Variants in DAB1 observed in about 807,000 individuals in gnomAD.
The protein encoded by DAB1 is disabled homolog 1.
DAB1 carries 15 observed loss-of-function variants against 64.6 expected under a neutral mutation model. That is an observed-to-expected ratio of 0.23 (90% CI 0.16 to 0.36). The LOEUF is 0.36. Ranked by LOEUF, DAB1 falls within the 10% of genes least tolerant of loss-of-function variation. The pLI, the probability that DAB1 is intolerant of heterozygous loss-of-function variation, is 1.00. For synonymous variants in DAB1, 235 were observed against 251.9 expected, an observed-to-expected ratio of 0.93 and a Z score of 0.64; for missense variants, 596 against 706.7, an observed-to-expected ratio of 0.84 and a Z score of 1.78.
At chr1:57,033,971 T>C (rs1230250555) in intron 9 of DAB1, among the ~76,000 whole-genome samples, 62 of 152,164 alleles carry the variant, frequency 4.1e-4, no homozygotes, top group Admixed American at 4.1e-3. Context: ...ATACATGTTG[T>C]CTTCTCTGCC....
chr1:57,671,345 T>C (rs1247658958), intron 6 of DAB1, among the ~76,000 whole-genome samples: 2 of 152,094 alleles, frequency 1.3e-5, no homozygotes, highest in South Asian at 2.1e-4. Context: ...CCATGTAAAA[T>C]GCAACCATTA....
At chr1:57,830,794 T>C (rs1412016449) in intron 1 of DAB1, among the ~76,000 whole-genome samples, 1 of 152,208 alleles carries the variant, frequency 6.6e-6, no homozygotes, top group Non-Finnish European at 1.5e-5. Context: ...TCTAGATTTT[T>C]AGTAGTTGCT....
At chr1:57,076,325 G>A (rs980843905) in intron 4 of DAB1, among the ~76,000 whole-genome samples, 19 of 152,276 alleles carry the variant, frequency 1.2e-4, no homozygotes, top group Non-Finnish European at 2.1e-4. Flanking sequence ...TTTGAAAACC[G>A]TTATTGTCTT....
intron 5 of DAB1, among the ~76,000 whole-genome samples, chr1:57,992,082 G>A (rs1427568016): frequency 2.0e-5 from 3 of 151,990 alleles, no homozygotes; most frequent in South Asian, 4.2e-4. Flanking sequence ...CTTTTTTACC[G>A]ACTATGAAAC....
chr1:58,275,938 G>T (rs1414980095), intron 4 of DAB1, among the ~76,000 whole-genome samples: 1 of 152,156 alleles, frequency 6.6e-6, no homozygotes, highest in Non-Finnish European at 1.5e-5. Flanking sequence ...TCTAACAACA[G>T]ATAACAAAAT....
chr1:57,725,842 C>G (rs1647203143), intron 6 of DAB1, among the ~76,000 whole-genome samples: 1 of 151,956 alleles, frequency 6.6e-6, no homozygotes, highest in African/African-American at 2.4e-5. Flanking sequence ...ACCTCTGTCT[C>G]CCGGGTTCAA....
At chr1:57,082,842 T>C (rs1390575510) in intron 4 of DAB1, among the ~76,000 whole-genome samples, 5 of 152,212 alleles carry the variant, frequency 3.3e-5, no homozygotes, top group Non-Finnish European at 7.3e-5. Context: ...TCCATGTCCC[T>C]GCAAAAGACA....
intron 6 of DAB1, among the ~76,000 whole-genome samples, chr1:57,756,491 C>T (rs1176885051): frequency 2.0e-5 from 3 of 152,062 alleles, no homozygotes; most frequent in African/African-American, 7.2e-5. Context: ...AACAAGAAGC[C>T]AGCTTCAGGA....
At chr1:57,094,353 C>T (rs769540039) in intron 4 of DAB1, among the ~76,000 whole-genome samples, 5 of 152,096 alleles carry the variant, frequency 3.3e-5, no homozygotes, top group African/African-American at 1.2e-4. Flanking sequence ...TTGCAAAATC[C>T]GGATCACATT....
chr1:58,241,652 T>C (rs1001207026), intron 4 of DAB1, among the ~76,000 whole-genome samples: 1 of 151,720 alleles, frequency 6.6e-6, no homozygotes, highest in Admixed American at 6.6e-5. Context: ...AAAAGAAAAA[T>C]AGGCAAAATG....
At chr1:57,194,511 A>G (rs899583566) in intron 2 of DAB1, among the ~76,000 whole-genome samples, 2 of 152,200 alleles carry the variant, frequency 1.3e-5, no homozygotes, top group African/African-American at 4.8e-5. Context: ...CAGTCCCACA[A>G]CAAGTGGGCC....
chr1:58,486,220 GA>G (rs1487913104), intron 3 of DAB1, among the ~76,000 whole-genome samples: 1 of 152,186 alleles, frequency 6.6e-6, no homozygotes, highest in Non-Finnish European at 1.5e-5. Flanking sequence ...CTTACCTACA[GA>G]AATGCACAAG....
intron 3 of DAB1, among the ~76,000 whole-genome samples, chr1:58,494,689 C>T (rs1245964497): frequency 6.6e-6 from 1 of 151,984 alleles, no homozygotes; most frequent in African/African-American, 2.4e-5. Context: ...CACTGGCCAT[C>T]AGAGAAATGC....
intron 3 of DAB1, among the ~76,000 whole-genome samples, chr1:58,465,326 CCCTGGGTTTGAG>C (rs1449666548): frequency 6.6e-6 from 1 of 152,160 alleles, no homozygotes; most frequent in Non-Finnish European, 1.5e-5. Context: ...GAGTGGCTGA[CCCTGGGTTTGAG>C]CCTGGCTAGG....
intron 7 of DAB1, among the ~76,000 whole-genome samples, chr1:57,552,788 C>G (rs1558486050): frequency 6.6e-6 from 1 of 152,082 alleles, no homozygotes; most frequent in East Asian, 1.9e-4. Context: ...CACAGGGAAG[C>G]CAAGCATTCA....
chr1:58,449,037 T>C (rs1645103086), intron 3 of DAB1, among the ~76,000 whole-genome samples: 1 of 152,168 alleles, frequency 6.6e-6, no homozygotes, highest in Non-Finnish European at 1.5e-5. Flanking sequence ...AGGAAAGGGA[T>C]GGTGAAACCA....
chr1:57,604,636 G>A (rs150776269), intron 7 of DAB1, among the ~76,000 whole-genome samples: 95 of 152,294 alleles, frequency 6.2e-4, no homozygotes, highest in African/African-American at 1.8e-3. Flanking sequence ...GGTAGCTTGT[G>A]ATGTCACATT....
At chr1:57,748,009 T>C (rs1648368867) in intron 6 of DAB1, among the ~76,000 whole-genome samples, 1 of 152,042 alleles carries the variant, frequency 6.6e-6, no homozygotes, top group African/African-American at 2.4e-5. Context: ...TTGATCATTA[T>C]TGTTGACTCA....
intron 7 of DAB1, among the ~76,000 whole-genome samples, chr1:57,629,236 T>A (rs1405892040): frequency 6.6e-6 from 1 of 152,208 alleles, no homozygotes; most frequent in Non-Finnish European, 1.5e-5. Context: ...TTAGAAAAGA[T>A]TACTAAACAT....
Sources: gnomAD v4.1 joint callset for allele counts (sites outside exome capture counted in the v4.1 genomes callset) on GRCh38, gnomAD v4.1.1 for gene constraint, MANE v1.5 for transcripts, NCBI Gene and HGNC (gene_info 2026-07-23, HGNC 2026-07-21) for gene names.